The following GLDC variants were observed in gnomAD, a reference collection of about 807,000 sequenced individuals.
GLDC encodes the protein glycine decarboxylase.
In GLDC, 104 loss-of-function variants were observed where a neutral mutation model predicts 121.3. The observed-to-expected ratio is 0.86, with a 90% CI of 0.73 to 1.01. The LOEUF is 1.01. GLDC is among the 50% of genes least tolerant of loss of function. The probability of loss-of-function intolerance (pLI) is 0.00; values close to 1 mark genes in which losing one functional copy is unlikely to be tolerated. For missense variants in GLDC, 1,429 were observed against 1,306.6 expected, an observed-to-expected ratio of 1.09 and a Z score of -1.44; for synonymous variants, 546 against 480.6, an observed-to-expected ratio of 1.14 and a Z score of -1.78.
chr9:6,630,865 A>G (rs1819361156), intron 2 of GLDC, among the ~76,000 whole-genome samples: 1 of 152,096 alleles, frequency 6.6e-6, no homozygotes, highest in African/African-American at 2.4e-5. Context: ...TCTCTCCCCC[A>G]TAGCCACCTG....
chr9:6,587,095 A>G (rs1460237543), intron 15 of GLDC, 46 bp downstream of exon 15: 6 of 1,529,242 alleles, frequency 3.9e-6, no homozygotes, highest in Admixed American at 1.7e-5. Flanking sequence ...GGTGTATGCT[A>G]TACAAGAATA....
At chr9:6,616,820 T>C (rs964732229) in intron 3 of GLDC, among the ~76,000 whole-genome samples, 1 of 152,238 alleles carries the variant, frequency 6.6e-6, no homozygotes, top group Non-Finnish European at 1.5e-5. Flanking sequence ...TAGTGTTCTC[T>C]ATCATTTTGG....
chr9:6,553,582 C>A, intron 19 of GLDC, 73 bp from the exon 20 acceptor site: 5 of 1,449,954 alleles, frequency 3.4e-6, no homozygotes, highest in Non-Finnish European at 4.8e-6. Flanking sequence ...GTTCTGGGCC[C>A]TCCCAGAAAG....
At chr9:6,619,310 A>G (rs538660811) in intron 3 of GLDC, among the ~76,000 whole-genome samples, 2 of 152,250 alleles carry the variant, frequency 1.3e-5, no homozygotes, top group South Asian at 4.1e-4. Context: ...CTTTCTCTAG[A>G]AAGTGCTAGC....
chr9:6,557,812 A>G (rs1817668860), intron 17 of GLDC: 1 of 153,062 alleles, frequency 6.5e-6, no homozygotes, highest in South Asian at 2.1e-4. Context: ...CATGTCCTAT[A>G]TTACTATAAT....
intron 2 of GLDC, among the ~76,000 whole-genome samples, chr9:6,638,081 T>G (rs538754925): frequency 6.6e-6 from 1 of 152,298 alleles, no homozygotes; most frequent in South Asian, 2.1e-4. Flanking sequence ...AGCATAATTA[T>G]TTAAGATTCC....
At chr9:6,596,119 C>T (rs1054685010) in intron 8 of GLDC, among the ~76,000 whole-genome samples, 5 of 152,130 alleles carry the variant, frequency 3.3e-5, no homozygotes, top group South Asian at 4.1e-4. Flanking sequence ...GTGGAAAAGG[C>T]GAGGCTGAGG....
At position 6,610,218 on chromosome 9, in the gene GLDC, G is replaced by A. The variant is rs201699152; in HGVS notation, c.609C>T (p.Ala203=). The change falls in exon 4 of 25, where the codon GCC becomes GCT. Residue 203 remains alanine, a synonymous_variant. Coordinates refer to ENST00000321612, the MANE Select transcript of GLDC (RefSeq NM_000170.3). ...TGTAGCACAGCTGCAGTGCCTCTGCGGCTGCAGTCCCCTCATCCAGCAGGG... is the reference window on the plus strand; with the variant it reads ...TGTAGCACAGCTGCAGTGCCTCTGCAGCTGCAGTCCCCTCATCCAGCAGGG... ...NASLLDEGTA[A]AEALQLCYRH... The A allele has an allele frequency of 4.2e-5, 68 of 1,612,960 alleles. No individual in the cohort carries two copies. In the East Asian group the frequency reaches 7.1e-4, roughly 17 times the overall value.
intron 19 of GLDC, 42 bp from the exon 20 acceptor site, chr9:6,553,551 T>A: frequency 1.3e-6 from 2 of 1,595,816 alleles, no homozygotes; most frequent in Non-Finnish European, 1.7e-6. Context: ...TGTAAACGAT[T>A]CAGTTTAATC....
intron 3 of GLDC, among the ~76,000 whole-genome samples, chr9:6,611,290 G>C (rs927287931): frequency 1.3e-4 from 20 of 152,210 alleles, no homozygotes; most frequent in Admixed American, 1.3e-4. Flanking sequence ...ACAGGCGAGA[G>C]CTACCACACC....
chr9:6,612,189 ACTCT>A (rs1236282061), intron 3 of GLDC, among the ~76,000 whole-genome samples: 1 of 136,802 alleles, frequency 7.3e-6, no homozygotes, highest in African/African-American at 3.0e-5. Context: ...ACACACACTC[ACTCT>A]CTCACACACA....
chr9:6,572,123 T>C (rs1005038754), intron 15 of GLDC, among the ~76,000 whole-genome samples: 2 of 152,160 alleles, frequency 1.3e-5, no homozygotes, highest in African/African-American at 2.4e-5. Flanking sequence ...ATTGTTGGGA[T>C]CTAGGGTAGA....
chr9:6,611,512 C>T (rs561624350), intron 3 of GLDC, among the ~76,000 whole-genome samples: 13 of 150,650 alleles, frequency 8.6e-5, no homozygotes, highest in African/African-American at 1.7e-4. Flanking sequence ...GCTGAGATCA[C>T]GCCACTGTAC....
At chr9:6,605,633 T>C (rs973271675) in intron 5 of GLDC, among the ~76,000 whole-genome samples, 5 of 152,192 alleles carry the variant, frequency 3.3e-5, no homozygotes, top group Non-Finnish European at 7.3e-5. Context: ...CTTAAGTGAA[T>C]GGAAAACCAT....
rs193216851 is a variant in GLDC at position 6,571,980 on chromosome 9, G to A, written c.1851-6551C>T. On this transcript the variant is annotated intron_variant, in intron 15 of 24. Transcript: ENST00000321612. ...GATCGCCTTTTCAATAAATGGAACTGAAACACTTAGACATCCATAGGCACA... is the reference window on the plus strand; with the variant it reads ...GATCGCCTTTTCAATAAATGGAACTAAAACACTTAGACATCCATAGGCACA... 1.9e-3 allele frequency among the ~76,000 whole-genome samples: 289 copies of A among 152,240 alleles called. 1 individual carries two copies. The highest frequency in any genetic ancestry group is 6.5e-3 in the African/African-American group (272 of 41,530).
intron 2 of GLDC, among the ~76,000 whole-genome samples, chr9:6,627,841 G>A (rs1819278382): frequency 6.6e-6 from 1 of 152,142 alleles, no homozygotes; most frequent in African/African-American, 2.4e-5. Context: ...CCTAGTGAGT[G>A]TCTGAATTGT....
At chr9:6,560,501 A>T (rs958705091) in intron 16 of GLDC, among the ~76,000 whole-genome samples, 4 of 152,002 alleles carry the variant, frequency 2.6e-5, no homozygotes. Flanking sequence ...TTTGTAGTTA[A>T]TTTTTTTCTT....
At chr9:6,604,457 T>A in intron 7 of GLDC, 131 bp downstream of exon 7, 6 of 839,354 alleles carry the variant, frequency 7.1e-6, no homozygotes, top group Non-Finnish European at 1.2e-5. Context: ...TTCTTCTGAA[T>A]CTATGTTGTA....
chr9:6,599,289 G>C (rs1201894774), intron 8 of GLDC, among the ~76,000 whole-genome samples: 1 of 152,066 alleles, frequency 6.6e-6, no homozygotes, highest in Non-Finnish European at 1.5e-5. Context: ...GCCCTAAATG[G>C]ACTTATGATC....
Sources: allele counts gnomAD v4.1 joint callset (sites outside exome capture counted in the v4.1 genomes callset), GRCh38; gene constraint gnomAD v4.1.1; transcripts MANE v1.5; gene names NCBI Gene and HGNC (gene_info 2026-07-23, HGNC 2026-07-21).